The following HAT1 variants were observed in gnomAD, a reference collection of about 807,000 sequenced individuals.
HAT1 encodes the protein histone acetyltransferase 1.
A neutral mutation model predicts 56.6 loss-of-function variants in HAT1; 20 were observed. The ratio of observed to expected loss-of-function variants is 0.35; its 90% CI spans 0.25 to 0.51. The LOEUF is 0.51. HAT1 is among the 20% of genes least tolerant of loss of function. The pLI, the probability that HAT1 is intolerant of heterozygous loss-of-function variation, is 0.95. For missense variants in HAT1, 408 were observed against 504.3 expected (o/e 0.81, Z 1.83); for synonymous variants, 146 against 165.5 (o/e 0.88, Z 0.91).
rs1574027394 is a variant in HAT1, at chr2:171,922,585, G to A, written c.7+78G>A. The A allele has an allele frequency of 5.9e-6, 7 of 1,188,162 alleles. No individual in the cohort carries two copies. In the East Asian group the frequency reaches 1.4e-4, roughly 24 times the overall value. The allele number at this position is 1,188,162 out of a possible 1,614,324, so 73.6% of individuals were successfully genotyped here. A position where few individuals can be genotyped will look rare whatever the true frequency, so the allele number is the denominator to read the frequency against. On this transcript the variant is annotated intron_variant, in intron 1 of 10. Coordinates refer to ENST00000264108, the MANE Select transcript of HAT1 (RefSeq NM_003642.4). Reference sequence around the variant, plus strand: ...AGAACGCCGAGACGGTGGTGACAATGCCCGCCTAGAACTTTCGGGCTGTAG... The same window carrying A: ...AGAACGCCGAGACGGTGGTGACAATACCCGCCTAGAACTTTCGGGCTGTAG...
intron 8 of HAT1, among the ~76,000 whole-genome samples, chr2:171,968,366 G>A (rs1390336664): frequency 1.3e-5 from 2 of 152,110 alleles, no homozygotes; most frequent in Admixed American, 6.5e-5. Flanking sequence ...TGATTTTAAT[G>A]TGGAGTTCAC....
intron 8 of HAT1, among the ~76,000 whole-genome samples, chr2:171,969,924 G>C (rs974767238): frequency 2.0e-5 from 3 of 152,040 alleles, no homozygotes; most frequent in African/African-American, 7.2e-5. Context: ...AGGCTGAGCT[G>C]GAGGGTTGCT....
chr2:171,943,452 C>A (rs1227026760), intron 2 of HAT1, among the ~76,000 whole-genome samples: 1 of 135,546 alleles, frequency 7.4e-6, no homozygotes. Context: ...TAAGCAATAT[C>A]TCTGATCCCA....
intron 4 of HAT1, among the ~76,000 whole-genome samples, chr2:171,956,877 C>G (rs1687461026): frequency 6.6e-6 from 1 of 152,158 alleles, no homozygotes; most frequent in Non-Finnish European, 1.5e-5. Context: ...TTAGGATATT[C>G]ATTGTCAGGA....
chr2:171,943,410 CAAAA>C (rs377749207), intron 2 of HAT1, among the ~76,000 whole-genome samples: 15,912 of 57,362 alleles, frequency 0.28, 690 homozygotes, highest in Middle Eastern at 0.55. Flanking sequence ...GACTCTGTCT[CAAAA>C]AAAAAAAAAA....
intron 1 of HAT1, chr2:171,924,935 G>A (rs1299396850): frequency 6.6e-6 from 1 of 152,078 alleles, no homozygotes; most frequent in East Asian, 1.9e-4. Flanking sequence ...CAGGTAATTT[G>A]TATTAGTACA....
chr2:171,964,049 G>A (rs148979699), intron 4 of HAT1, among the ~76,000 whole-genome samples: 43 of 152,216 alleles, frequency 2.8e-4, no homozygotes, highest in Non-Finnish European at 5.0e-4. Context: ...TGTGATAAAC[G>A]TCATCACTGG....
intron 3 of HAT1, among the ~76,000 whole-genome samples, chr2:171,952,265 G>A: frequency 6.6e-6 from 1 of 152,100 alleles, no homozygotes; most frequent in East Asian, 1.9e-4. Flanking sequence ...TACCTATTTT[G>A]GATAATTTAG....
At chr2:171,957,687 T>C (rs1204299804) in intron 4 of HAT1, among the ~76,000 whole-genome samples, 1 of 152,220 alleles carries the variant, frequency 6.6e-6, no homozygotes, top group Non-Finnish European at 1.5e-5. Flanking sequence ...AAAATTATAT[T>C]TTAGGCTTGT....
At chr2:171,922,553 C>T in intron 1 of HAT1, 46 bp downstream of exon 1, 2 of 1,308,090 alleles carry the variant, frequency 1.5e-6, no homozygotes, top group South Asian at 3.1e-5. Context: ...GCGGCCAGAT[C>T]GGGGATAGAA....
intron 4 of HAT1, among the ~76,000 whole-genome samples, chr2:171,958,129 A>G (rs1201488714): frequency 1.3e-5 from 2 of 152,090 alleles, no homozygotes; most frequent in Non-Finnish European, 2.9e-5. Context: ...TATTATTTAA[A>G]TTTTGAGGGA....
At chr2:171,970,496 C>CTTTTTTTTTTTTTT (rs61462189) in intron 8 of HAT1, among the ~76,000 whole-genome samples, 6 of 74,988 alleles carry the variant, frequency 8.0e-5, no homozygotes, top group African/African-American at 4.1e-4. Flanking sequence ...AATGCAGTTT[C>CTTTTTTTTTTTTTT]TTTTTTTTTT....
chr2:171,948,206 C>T (rs1181608083), intron 3 of HAT1, among the ~76,000 whole-genome samples: 1 of 152,018 alleles, frequency 6.6e-6, no homozygotes, highest in African/African-American at 2.4e-5. Flanking sequence ...GATTAATAAC[C>T]ATGGAAGAGT....
chr2:171,938,299 T>C (rs1441192838), intron 2 of HAT1, among the ~76,000 whole-genome samples: 1 of 152,130 alleles, frequency 6.6e-6, no homozygotes, highest in African/African-American at 2.4e-5. Flanking sequence ...ATGTTCTATA[T>C]AGCAGCAGTC....
At chr2:171,925,142 G>A (rs1194314938) in intron 1 of HAT1, among the ~76,000 whole-genome samples, 1 of 148,336 alleles carries the variant, frequency 6.7e-6, no homozygotes, top group African/African-American at 2.5e-5. Flanking sequence ...GCATGATCTC[G>A]GCTCACTGCA....
intron 9 of HAT1, among the ~76,000 whole-genome samples, chr2:171,978,922 C>CAA (rs3838506): frequency 0.018 from 1,258 of 69,136 alleles, 13 homozygotes; most frequent in Non-Finnish European, 0.027. Context: ...CCCATTTCTA[C>CAA]AAAAAAAAAA....
Position 171,951,105 on chromosome 2 carries a change from C to T in HAT1, c.189-1776C>T, listed in dbSNP as rs111545874. 3.5e-4 allele frequency among the ~76,000 whole-genome samples: 53 copies of T among 152,372 alleles called. 2 individuals are homozygous for T. Among genetic ancestry groups the T allele is most frequent in the African/African-American group, 1.3e-3 (53 of 41,588 alleles). On this transcript the variant is annotated intron_variant, in intron 3 of 10. Transcript: ENST00000264108. ...GGATTACAGGCGTGAGCCACTGCAC[C>T]AGGCCCTTATTGTGTTTTTAAGTCA... is the stretch of plus-strand genomic sequence containing the variant.
chr2:171,952,013 T>C (rs1273869008), intron 3 of HAT1, among the ~76,000 whole-genome samples: 1 of 152,222 alleles, frequency 6.6e-6, no homozygotes, highest in Non-Finnish European at 1.5e-5. Flanking sequence ...TCAAACACTT[T>C]TCTTTCACAA....
chr2:171,961,532 A>T (rs1400504384), intron 4 of HAT1, among the ~76,000 whole-genome samples: 1 of 152,096 alleles, frequency 6.6e-6, no homozygotes, highest in East Asian at 1.9e-4. Context: ...AGCAGATTTT[A>T]AAAATTTTAT....
Sources: allele counts gnomAD v4.1 joint callset (sites outside exome capture counted in the v4.1 genomes callset), GRCh38; gene constraint gnomAD v4.1.1; transcripts MANE v1.5; gene names NCBI Gene and HGNC (gene_info 2026-07-23, HGNC 2026-07-21).